Variants in SULF1 observed in about 807,000 individuals in gnomAD.
SULF1 encodes extracellular sulfatase Sulf-1.
A neutral mutation model predicts 110.5 loss-of-function variants in SULF1; 46 were observed. The observed-to-expected ratio is 0.42, with a 90% CI of 0.33 to 0.53. The LOEUF (loss-of-function observed/expected upper bound fraction) is 0.53. Among genes scored for constraint, SULF1 ranks in the 20% least tolerant of loss-of-function variants. SULF1 has a pLI of 0.12. For synonymous variants in SULF1, 371 were observed against 387.1 expected (o/e 0.96, Z 0.49); for missense variants, 941 against 1,094.2 (o/e 0.86, Z 1.98).
At chr8:69,602,451 A>T (rs1376478527) in intron 10 of SULF1, among the ~76,000 whole-genome samples, 1 of 152,238 alleles carries the variant, frequency 6.6e-6, no homozygotes, top group Non-Finnish European at 1.5e-5. Context: ...TTATGGAAAG[A>T]CTAAAAGAAA....
chr8:69,538,322 TC>T (rs1332986339), intron 3 of SULF1, among the ~76,000 whole-genome samples: 1 of 143,734 alleles, frequency 7.0e-6, no homozygotes, highest in Non-Finnish European at 1.5e-5. Context: ...CACATGCTTC[TC>T]ATCCCGTCCT....
At chr8:69,561,001 G>T (rs1481268862) in intron 3 of SULF1, among the ~76,000 whole-genome samples, 1 of 152,168 alleles carries the variant, frequency 6.6e-6, no homozygotes, top group African/African-American at 2.4e-5. Context: ...CTGACCAAAA[G>T]TTCCAAAGTT....
At chr8:69,608,769 A>G (rs1406120829) in intron 13 of SULF1, among the ~76,000 whole-genome samples, 4 of 152,206 alleles carry the variant, frequency 2.6e-5, no homozygotes, top group Admixed American at 1.3e-4. Flanking sequence ...TGTGAACACA[A>G]CAACCAGCGG....
chr8:69,624,019 A>T lies in SULF1; in HGVS notation c.1672A>T (p.Asn558Tyr), dbSNP rs1809808374. 1 of 1,614,202 alleles carries T rather than the reference A, an allele frequency of 6.2e-7. No homozygotes were observed. Among genetic ancestry groups the T allele is most frequent in the Non-Finnish European group, 8.5e-7 (1 of 1,180,048 alleles). ...ATTTGAAGGTGAAATATATGACATA[A>T]ATCTGGAAGAAGAAGAAGAATTGCA... ...VEFEGEIYDI[N>Y]LEEEEELQVL... Residue 558 changes from asparagine (N) to tyrosine (Y), a missense_variant, in exon 15 of 23, where the codon AAT (asparagine) becomes TAT (tyrosine). Around this residue, in one of 3 missense-constraint regions of SULF1, gnomAD observed 822 missense variants for 934.3 expected, o/e 0.88. Transcript: ENST00000402687.
Position 69,628,205 on chromosome 8 carries a change from G to C in SULF1, c.2077G>C (p.Glu693Gln). 6.2e-7 allele frequency: 1 copy of C among 1,614,058 alleles called. No homozygotes were observed. Among genetic ancestry groups the C allele is most frequent in the Non-Finnish European group, 8.5e-7 (1 of 1,179,912 alleles). The change falls in exon 18 of 23, where the codon GAG becomes CAG. Residue 693 changes from glutamate to glutamine, a missense_variant. Coordinates refer to ENST00000402687, the MANE Select transcript of SULF1 (RefSeq NM_001128205.2). Reference sequence around the variant, plus strand: ...TAAAGAGAAAGGTGTAAAAAAGCAAGAGAAATTAAAGAGCCATCTTCACCC... The same window carrying C: ...TAAAGAGAAAGGTGTAAAAAAGCAACAGAAATTAAAGAGCCATCTTCACCC... ...YNKEKGVKKQEKLKSHLHPFK... is the reference protein window; with the variant it reads ...YNKEKGVKKQQKLKSHLHPFK...
intron 3 of SULF1, among the ~76,000 whole-genome samples, chr8:69,558,809 GTT>G (rs1014796302): frequency 1.1e-4 from 16 of 152,122 alleles, no homozygotes; most frequent in African/African-American, 3.9e-4. Context: ...TGCCCCAACA[GTT>G]TTTATGTGGA....
intron 3 of SULF1, among the ~76,000 whole-genome samples, chr8:69,517,722 A>G (rs1812030487): frequency 6.6e-6 from 1 of 152,196 alleles, no homozygotes; most frequent in Admixed American, 6.5e-5. Context: ...GTATCCAGTA[A>G]AAAAGAAGTC....
intron 8 of SULF1, among the ~76,000 whole-genome samples, chr8:69,598,555 C>T (rs1203502744): frequency 6.6e-6 from 1 of 152,162 alleles, no homozygotes; most frequent in Non-Finnish European, 1.5e-5. Flanking sequence ...CCATGCCCAG[C>T]TAATTTTTGT....
chr8:69,550,217 C>T (rs1362385475), intron 3 of SULF1, among the ~76,000 whole-genome samples: 2 of 151,758 alleles, frequency 1.3e-5, no homozygotes, highest in Admixed American at 1.3e-4. Context: ...CCATTCTGCC[C>T]TTACTGTGTA....
intron 3 of SULF1, among the ~76,000 whole-genome samples, chr8:69,526,230 T>A (rs1442583802): frequency 6.6e-6 from 1 of 152,114 alleles, no homozygotes; most frequent in Non-Finnish European, 1.5e-5. Context: ...ACCCCTCTCC[T>A]ATCCAGTCAC....
At chr8:69,524,257 A>G (rs80158698) in intron 3 of SULF1, among the ~76,000 whole-genome samples, 6 of 152,248 alleles carry the variant, frequency 3.9e-5, no homozygotes, top group Non-Finnish European at 8.8e-5. Context: ...CTTGCTATAA[A>G]GAAATACCTG....
intron 22 of SULF1, among the ~76,000 whole-genome samples, chr8:69,658,293 T>C (rs1812872603): frequency 6.6e-6 from 1 of 152,204 alleles, no homozygotes; most frequent in African/African-American, 2.4e-5. Flanking sequence ...CATAGATGTT[T>C]TCACGAATGT....
intron 13 of SULF1, among the ~76,000 whole-genome samples, chr8:69,616,702 G>GTTTTTTTTTTTTTTT (rs35961171): frequency 9.6e-6 from 1 of 104,610 alleles, no homozygotes; most frequent in Non-Finnish European, 1.8e-5. Flanking sequence ...GTGCCCGGCC[G>GTTTTTTTTTTTTTTT]TTTTTTTTTT....
exon 1 of SULF1, chr8:69,466,937 A>C (rs1808880565): frequency 6.6e-6 from 1 of 152,078 alleles, no homozygotes; most frequent in African/African-American, 2.4e-5. Context: ...CAAGAAAAGC[A>C]GTTTTTTTTT....
rs951294531 is a variant in SULF1, at chr8:69,501,987, T to A, written c.-134+19T>A. The A allele has an allele frequency of 6.6e-6, 1 of 152,192 alleles. No individual in the cohort carries two copies. Among genetic ancestry groups the A allele is most frequent in the Non-Finnish European group, 1.5e-5 (1 of 68,044 alleles). 9.4% of individuals were successfully genotyped at this position (152,192 alleles called of 1,614,324 possible). On this transcript the variant is annotated intron_variant, in intron 3 of 22. Transcript: ENST00000402687. ...TTCAAAGGTATTCATCAAATTTTTA[T>A]CTCTAGCTTAAACCAAGGACCACCT...
intron 3 of SULF1, among the ~76,000 whole-genome samples, chr8:69,560,128 G>T (rs1815382837): frequency 6.6e-6 from 1 of 152,126 alleles, no homozygotes; most frequent in African/African-American, 2.4e-5. Flanking sequence ...GGACATTGCT[G>T]CTGTGGACAA....
At chr8:69,593,397 A>T (rs1481047847) in intron 8 of SULF1, among the ~76,000 whole-genome samples, 1 of 152,222 alleles carries the variant, frequency 6.6e-6, no homozygotes, top group East Asian at 1.9e-4. Context: ...GCAAGAAACC[A>T]TAGGTTCTCC....
chr8:69,594,649 T>C (rs1033624600), intron 8 of SULF1, among the ~76,000 whole-genome samples: 4 of 152,170 alleles, frequency 2.6e-5, no homozygotes, highest in African/African-American at 9.7e-5. Flanking sequence ...TGCACATTCG[T>C]ACCTCTTTCC....
intron 1 of SULF1, among the ~76,000 whole-genome samples, chr8:69,479,967 C>T (rs973488398): frequency 6.6e-6 from 1 of 151,864 alleles, no homozygotes; most frequent in African/African-American, 2.4e-5. Context: ...AGTAATCAGG[C>T]AGTGTAAATG....
Sources: allele counts gnomAD v4.1 joint callset (sites outside exome capture counted in the v4.1 genomes callset), GRCh38; gene constraint gnomAD v4.1.1; regional missense constraint gnomAD v4.1.1; transcripts MANE v1.5; gene names NCBI Gene and HGNC (gene_info 2026-07-23, HGNC 2026-07-21).